EML5: variants seen among roughly 807,000 people sequenced by gnomAD.
EML5 encodes the protein EMAP like 5.
EML5 carries 120 observed loss-of-function variants against 250.0 expected under a neutral mutation model. The ratio of observed to expected loss-of-function variants is 0.48; its 90% CI spans 0.41 to 0.56. The LOEUF (loss-of-function observed/expected upper bound fraction) is 0.56. Ranked by LOEUF, EML5 falls within the 20% of genes least tolerant of loss-of-function variation. The pLI, the probability that EML5 is intolerant of heterozygous loss-of-function variation, is 0.00. For missense variants in EML5, 2,006 were observed against 2,437.6 expected (o/e 0.82, Z 3.73); for synonymous variants, 771 against 806.5 (o/e 0.96, Z 0.75).
chr14:88,658,131 A>G (rs1448026508), intron 26 of EML5, 56 bp downstream of exon 26: 1 of 1,545,330 alleles, frequency 6.5e-7, no homozygotes. Context: ...CACAGCTTAA[A>G]CAAGTTGTGC....
intron 21 of EML5, among the ~76,000 whole-genome samples, chr14:88,673,611 T>C (rs116323728): frequency 0.01 from 1,566 of 152,338 alleles, 25 homozygotes; most frequent in African/African-American, 0.036. Context: ...GATGATATGA[T>C]AGTATGTCTA....
At chr14:88,671,582 C>T (rs115449333) in intron 21 of EML5, among the ~76,000 whole-genome samples, 3,047 of 152,078 alleles carry the variant, frequency 0.02, 116 homozygotes, top group African/African-American at 0.07. Context: ...TGGCTAAATG[C>T]CCCAAATTAA....
At chr14:88,621,934 C>G (rs1397333275) in intron 37 of EML5, 2 of 454,752 alleles carry the variant, frequency 4.4e-6, no homozygotes, top group Non-Finnish European at 8.8e-6. Context: ...TGATTCTTAA[C>G]TATAGTCATC....
intron 7 of EML5, among the ~76,000 whole-genome samples, chr14:88,735,975 A>G (rs2093832407): frequency 6.6e-6 from 1 of 151,100 alleles, no homozygotes; most frequent in Non-Finnish European, 1.5e-5. Context: ...ATGAGCTAAT[A>G]AAGTTTTAAT....
intron 1 of EML5, among the ~76,000 whole-genome samples, chr14:88,787,946 A>G (rs913134485): frequency 6.6e-6 from 1 of 152,232 alleles, no homozygotes; most frequent in Admixed American, 6.5e-5. Context: ...CCCAAACAGA[A>G]TAATCTGAGG....
chr14:88,790,548 A>C (rs2140896295), intron 1 of EML5, among the ~76,000 whole-genome samples: 1 of 152,346 alleles, frequency 6.6e-6, no homozygotes, highest in Non-Finnish European at 1.5e-5. Flanking sequence ...AGAAGACCTT[A>C]GTGCTATACT....
chr14:88,679,045 CA>C (rs539620094), intron 21 of EML5, among the ~76,000 whole-genome samples: 57 of 151,812 alleles, frequency 3.8e-4, no homozygotes, highest in Non-Finnish European at 7.2e-4. Context: ...ATAGGTACAT[CA>C]CTCCAATCCT....
intron 8 of EML5, among the ~76,000 whole-genome samples, chr14:88,726,160 A>G (rs553324955): frequency 2.0e-4 from 30 of 152,338 alleles, no homozygotes; most frequent in African/African-American, 7.0e-4. Flanking sequence ...GTAAATAACA[A>G]CAACAACAAC....
At chr14:88,686,127 G>A (rs2092826408) in intron 19 of EML5, among the ~76,000 whole-genome samples, 1 of 151,960 alleles carries the variant, frequency 6.6e-6, no homozygotes, top group Non-Finnish European at 1.5e-5. Flanking sequence ...TGAGGGTGGG[G>A]GAAATCATCC....
At chr14:88,760,085 T>C (rs937549279) in intron 1 of EML5, among the ~76,000 whole-genome samples, 1 of 152,224 alleles carries the variant, frequency 6.6e-6, no homozygotes, top group African/African-American at 2.4e-5. Context: ...CCCTTTGTCC[T>C]ACATGGGACT....
intron 1 of EML5, among the ~76,000 whole-genome samples, chr14:88,785,051 G>C (rs2094537333): frequency 6.6e-6 from 1 of 152,138 alleles, no homozygotes; most frequent in Non-Finnish European, 1.5e-5. Flanking sequence ...ATCATGGATG[G>C]GACTGGAGAT....
chr14:88,658,616 C>T (rs2091957237), intron 25 of EML5, among the ~76,000 whole-genome samples: 1 of 152,042 alleles, frequency 6.6e-6, no homozygotes, highest in Non-Finnish European at 1.5e-5. Flanking sequence ...GTACCCCAGG[C>T]AAAACTCTTT....
intron 8 of EML5, 141 bp from the exon 9 acceptor site, chr14:88,715,336 T>A: frequency 1.2e-6 from 1 of 818,936 alleles, no homozygotes; most frequent in Non-Finnish European, 1.8e-6. Context: ...CAAGTAGTAT[T>A]AATTCAGCAA....
intron 33 of EML5, among the ~76,000 whole-genome samples, chr14:88,629,374 A>C (rs2090286677): frequency 6.6e-6 from 1 of 152,222 alleles, no homozygotes; most frequent in Non-Finnish European, 1.5e-5. Flanking sequence ...GATGGCAAGA[A>C]GGTGAAACCA....
At chr14:88,735,938 G>A (rs2093831875) in intron 7 of EML5, among the ~76,000 whole-genome samples, 1 of 151,222 alleles carries the variant, frequency 6.6e-6, no homozygotes, top group South Asian at 2.1e-4. Context: ...TTAATTTTCA[G>A]TATTACTTAT....
intron 21 of EML5, among the ~76,000 whole-genome samples, chr14:88,673,336 TC>T (rs2092516675): frequency 6.6e-6 from 1 of 152,144 alleles, no homozygotes; most frequent in Admixed American, 6.6e-5. Flanking sequence ...AAATTCAACA[TC>T]CCATCACGTT....
chr14:88,719,291 T>C (rs2093552918), intron 8 of EML5, among the ~76,000 whole-genome samples: 1 of 151,304 alleles, frequency 6.6e-6, no homozygotes, highest in Non-Finnish European at 1.5e-5. Flanking sequence ...AAGACTGAGA[T>C]GGGAGGATCG....
At chr14:88,615,963 CT>C in intron 43 of EML5, 109 bp from the exon 44 acceptor site, 1 of 1,330,970 alleles carries the variant, frequency 7.5e-7, no homozygotes. Flanking sequence ...TATTTTTCCT[CT>C]TTAACTCCTT....
Position 88,738,925 on chromosome 14 carries a change from T to C in EML5, c.801A>G (p.Lys267=), listed in dbSNP as rs1008206941. 2 of 1,595,190 alleles carry C rather than the reference T, an allele frequency of 1.3e-6. No individual in the cohort carries two copies. Among genetic ancestry groups the C allele is most frequent in the Non-Finnish European group, 1.7e-6 (2 of 1,170,106 alleles). Residue 267 remains lysine (K), a synonymous_variant, in exon 6 of 44, where the codon AAA becomes AAG. Transcript: ENST00000554922. ...GCIRLWDLTF[K]PITVIDLRET... ...CCCTGAGATCAATCACAGTAATTGGTTTAAAAGTTAAATCCCAAAGACGAA... is the reference window on the plus strand; with the variant it reads ...CCCTGAGATCAATCACAGTAATTGGCTTAAAAGTTAAATCCCAAAGACGAA...
Sources: gnomAD v4.1 joint callset for allele counts (sites outside exome capture counted in the v4.1 genomes callset) on GRCh38, gnomAD v4.1.1 for gene constraint, MANE v1.5 for transcripts, NCBI Gene and HGNC (gene_info 2026-07-23, HGNC 2026-07-21) for gene names.